CDIP1: variants seen among roughly 807,000 people sequenced by gnomAD.
The protein encoded by CDIP1 is cell death inducing p53 target 1.
In CDIP1, 9 loss-of-function variants were observed where a neutral mutation model predicts 17.7. That is an observed-to-expected ratio of 0.51 (90% CI 0.31 to 0.89). The LOEUF is 0.89. CDIP1 is among the 40% of genes least tolerant of loss of function. The pLI, the probability that CDIP1 is intolerant of heterozygous loss-of-function variation, is 0.05. For missense variants in CDIP1, 263 were observed against 277.9 expected (o/e 0.95, Z 0.38); for synonymous variants, 117 against 109.5 (o/e 1.07, Z -0.43).
intron 1 of CDIP1, among the ~76,000 whole-genome samples, chr16:4,522,171 C>A (rs1359003403): frequency 6.6e-6 from 1 of 152,222 alleles, no homozygotes; most frequent in Non-Finnish European, 1.5e-5. Flanking sequence ...GCTGGGCCAC[C>A]TGCTCCACGG....
Position 4,512,663 on chromosome 16 carries a change from A to G in CDIP1, c.536T>C (p.Leu179Pro), listed in dbSNP as rs775325321. 1 of 1,613,804 alleles carries G rather than the reference A, an allele frequency of 6.2e-7. No individual in the cohort carries two copies. Among genetic ancestry groups the G allele is most frequent in the Admixed American group, 1.7e-5 (1 of 60,024 alleles). Residue 179 changes from leucine (L) to proline (P), a missense_variant, in exon 6 of 6, where the codon CTG becomes CCG. By Grantham distance (98) the Leu-to-Pro change is moderately conservative. Coordinates refer to ENST00000567695, the MANE Select transcript of CDIP1 (RefSeq NM_013399.3). This position sits in a 1 kb window ranked among gnomAD's most constrained non-coding sequence, Gnocchi z 4.6. ...GAAGTCATTGATGAGGCAGGGGATC[A>G]GGCAGCAGCCCAGATCACATCTGAA... ...CFMGCDLGCC[L>P]IPCLINDFKD...
In CDIP1 at chr16:4,513,791, A is replaced by G. The variant is rs1300619326; in HGVS notation, c.146T>C (p.Ile49Thr). 5.0e-6 allele frequency: 8 copies of G among 1,602,476 alleles called. No homozygotes were observed. The Admixed American group carries it at 5.0e-5, about 10-fold the overall frequency. ...PPGMPLPPADIGPPPYEPPGH... is the reference protein window; with the variant it reads ...PPGMPLPPADTGPPPYEPPGH... ...CGGCGGCTCATAGGGTGGGGGGCCA[A>G]TGTCCGCAGGGGGCAGTGGCATGCC... Residue 49 changes from isoleucine (I) to threonine (T), a missense_variant, in exon 4 of 6, where the codon ATT becomes ACT. Physicochemically the swap from Ile to Thr is moderately conservative, Grantham distance 89. Transcript: ENST00000567695. This position sits in a 1 kb window ranked among gnomAD's most constrained non-coding sequence, Gnocchi z 4.1.
At chr16:4,528,430 T>C (rs1291928072) in intron 1 of CDIP1, among the ~76,000 whole-genome samples, 1 of 152,182 alleles carries the variant, frequency 6.6e-6, no homozygotes, top group African/African-American at 2.4e-5. Context: ...GGGATTTGTT[T>C]ATATGTAAGT....
At chr16:4,523,505 T>G (rs8049054) in intron 1 of CDIP1, among the ~76,000 whole-genome samples, 1 of 151,752 alleles carries the variant, frequency 6.6e-6, no homozygotes, top group Non-Finnish European at 1.5e-5. Context: ...AGAGCGGGAC[T>G]CCATCTCAAA....
At chr16:4,527,288 C>T (rs1198616811) in intron 1 of CDIP1, among the ~76,000 whole-genome samples, 2 of 151,964 alleles carry the variant, frequency 1.3e-5, no homozygotes, top group Admixed American at 6.6e-5. Context: ...GGGGTTTCAC[C>T]GTGTTAGCCA....
At chr16:4,521,474 TG>T (rs1445944818) in intron 1 of CDIP1, among the ~76,000 whole-genome samples, 1 of 151,954 alleles carries the variant, frequency 6.6e-6, no homozygotes, top group African/African-American at 2.4e-5. Flanking sequence ...GAGTCGCTCC[TG>T]GGGAGGCCCT....
chr16:4,512,591 G>C lies in CDIP1; in HGVS notation c.608C>G (p.Thr203Arg), dbSNP rs1210933423. ...TCPSCKAYIY[T>R]YKRLC ...GCTCCGTTAGCACAGGCGCTTGTACGTGTAGATGTAGGCTTTGCAGCTGGG... is the reference window on the plus strand; with the variant it reads ...GCTCCGTTAGCACAGGCGCTTGTACCTGTAGATGTAGGCTTTGCAGCTGGG... The change falls in exon 6 of 6, where the codon ACG (threonine) becomes AGG (arginine). Residue 203 changes from threonine (T) to arginine (R), a missense_variant. Transcript: ENST00000567695. The surrounding 1 kb of genome is among the most constrained non-coding windows in gnomAD (Gnocchi z 4.6). The C allele has an allele frequency of 3.7e-6, 6 of 1,613,326 alleles. No individual in the cohort carries two copies. Among genetic ancestry groups the C allele is most frequent in the Non-Finnish European group, 5.1e-6 (6 of 1,179,420 alleles).
chr16:4,528,566 C>T (rs1329585249), intron 1 of CDIP1, among the ~76,000 whole-genome samples: 1 of 150,336 alleles, frequency 6.7e-6, no homozygotes, highest in Non-Finnish European at 1.5e-5. Context: ...CCTATAATCC[C>T]AGTTACTTGG....
In CDIP1 at chr16:4,511,998, A is replaced by C. The variant is rs1316564265; in HGVS notation, c.*574T>G. On this transcript the variant is annotated 3_prime_UTR_variant, in exon 6 of 6. Transcript: ENST00000567695. ...TGGGCTTCTATACCTGAGAGTTCTG[A>C]GGGCCAGAGTTGGCAGTTTTACTTC... 1 of 158,272 alleles carries C rather than the reference A, an allele frequency of 6.3e-6. No individual in the cohort carries two copies. The highest frequency in any genetic ancestry group is 1.4e-5 in the Non-Finnish European group (1 of 71,372). 9.8% of individuals were successfully genotyped at this position (158,272 alleles called of 1,614,324 possible). A position where few individuals can be genotyped will look rare whatever the true frequency, so the allele number is the denominator to read the frequency against.
At position 4,512,727 on chromosome 16, in the gene CDIP1, G is replaced by A. The variant is rs1460377355; in HGVS notation, c.516-44C>T. On this transcript the variant is annotated intron_variant, in intron 5 of 5. Transcript: ENST00000567695. This position sits in a 1 kb window ranked among gnomAD's most constrained non-coding sequence, Gnocchi z 4.6. The stretch of plus-strand genomic sequence containing the variant: ...AGAACAGGCTGAGGCCTGCTGCGGA[G>A]GAGGCAGAGGCAGCCAGTTGACCCT... 2 of 1,605,426 alleles carry A rather than the reference G, an allele frequency of 1.2e-6. No homozygotes were observed.
At chr16:4,530,368 G>A (rs1488041926) in intron 1 of CDIP1, among the ~76,000 whole-genome samples, 11 of 152,202 alleles carry the variant, frequency 7.2e-5, no homozygotes, top group Admixed American at 7.2e-4. Flanking sequence ...ACAGTATATA[G>A]ACTGGGTGCA....
chr16:4,528,944 G>A (rs1034700812), intron 1 of CDIP1, among the ~76,000 whole-genome samples: 6 of 152,016 alleles, frequency 3.9e-5, no homozygotes, highest in Non-Finnish European at 7.4e-5. Context: ...AGCTGAGGTC[G>A]CATCATTGTA....
In CDIP1 at chr16:4,513,346, TG is replaced by T. The variant is rs2058853420; in HGVS notation, c.242-283del. On this transcript the variant is annotated intron_variant, in intron 4 of 5. Coordinates refer to ENST00000567695, the MANE Select transcript of CDIP1 (RefSeq NM_013399.3). This position sits in a 1 kb window ranked among gnomAD's most constrained non-coding sequence, Gnocchi z 4.1. Reference sequence around the variant, plus strand: ...GGCCCGGTCCCTCTGCTCCTCTGTCTGTCTCCAGCATGCAAGGACAGGGCAC... The same window carrying T: ...GGCCCGGTCCCTCTGCTCCTCTGTCTTCTCCAGCATGCAAGGACAGGGCAC... Among the ~76,000 whole-genome samples, 1 of 148,974 alleles carries T rather than the reference TG, an allele frequency of 6.7e-6. No individual in the cohort carries two copies. Among genetic ancestry groups the T allele is most frequent in the African/African-American group, 2.6e-5 (1 of 38,392 alleles).
chr16:4,523,667 G>A (rs1311855150), intron 1 of CDIP1, among the ~76,000 whole-genome samples: 1 of 152,166 alleles, frequency 6.6e-6, no homozygotes, highest in South Asian at 2.1e-4. Flanking sequence ...CACAGTAGAA[G>A]GACAGCAAGA....
intron 1 of CDIP1, among the ~76,000 whole-genome samples, chr16:4,523,431 T>C (rs192521314): frequency 1.1e-4 from 17 of 152,206 alleles, no homozygotes; most frequent in African/African-American, 7.2e-5. Context: ...GGAGAATCAC[T>C]TGAACCCAGG....
chr16:4,528,024 C>T (rs2059017621), intron 1 of CDIP1, among the ~76,000 whole-genome samples: 1 of 152,172 alleles, frequency 6.6e-6, no homozygotes, highest in Admixed American at 6.5e-5. Flanking sequence ...CCATGTTGGC[C>T]AGGCTGGTGT....
rs146627154 is a variant in CDIP1, at chr16:4,513,225, C to A, written c.242-161G>T. 6.6e-5 allele frequency among the ~76,000 whole-genome samples: 10 copies of A among 152,360 alleles called. No homozygotes were observed. The highest frequency in any genetic ancestry group is 2.2e-4 in the African/African-American group (9 of 41,584). On this transcript the variant is annotated intron_variant, in intron 4 of 5. Coordinates refer to ENST00000567695, the MANE Select transcript of CDIP1 (RefSeq NM_013399.3). The surrounding 1 kb of genome is among the most constrained non-coding windows in gnomAD (Gnocchi z 4.1). Reference sequence around the variant, plus strand: ...AACGGGCCAGTGGGAGGCCTTACAGCTGGGGCCCTAAGTCAAGTGGGGCCA... The same window carrying A: ...AACGGGCCAGTGGGAGGCCTTACAGATGGGGCCCTAAGTCAAGTGGGGCCA...
At chr16:4,535,807 C>G (rs1053518373) in intron 1 of CDIP1, among the ~76,000 whole-genome samples, 1 of 152,264 alleles carries the variant, frequency 6.6e-6, no homozygotes, top group Non-Finnish European at 1.5e-5. Context: ...GGCCCAGGCC[C>G]TAGGCGCCTC....
Position 4,512,368 on chromosome 16 carries a change from C to G in CDIP1, c.*204G>C. The stretch of plus-strand genomic sequence containing the variant: ...CTCATTGTCAGCCCCCTGCCACCCA[C>G]TGACCCTTGGCCTTAAATCCCAACA... On this transcript the variant is annotated 3_prime_UTR_variant, in exon 6 of 6. Coordinates refer to ENST00000567695, the MANE Select transcript of CDIP1 (RefSeq NM_013399.3). This position sits in a 1 kb window ranked among gnomAD's most constrained non-coding sequence, Gnocchi z 4.6. 1 of 601,456 alleles carries G rather than the reference C, an allele frequency of 1.7e-6. No individual in the cohort carries two copies. Among genetic ancestry groups the G allele is most frequent in the Non-Finnish European group, 3.0e-6 (1 of 333,922 alleles). The allele number at this position is 601,456 out of a possible 1,614,324, so 37.3% of individuals were successfully genotyped here.
Sources: allele counts gnomAD v4.1 joint callset (sites outside exome capture counted in the v4.1 genomes callset), GRCh38; gene constraint gnomAD v4.1.1; non-coding constraint Gnocchi (gnomAD v3.1); transcripts MANE v1.5; gene names NCBI Gene and HGNC (gene_info 2026-07-23, HGNC 2026-07-21).